CYBA: variants seen among roughly 807,000 people sequenced by gnomAD.
CYBA encodes cytochrome b-245 light chain.
A neutral mutation model predicts 20.8 loss-of-function variants in CYBA; 21 were observed. That is an observed-to-expected ratio of 1.01 (90% confidence interval 0.72 to 1.46). The LOEUF is 1.46. CYBA is among the 40% of genes most tolerant of loss of function. The pLI is 0.00. For synonymous variants in CYBA, 164 were observed against 127.5 expected (o/e 1.29, Z -1.93); for missense variants, 344 against 287.0 (o/e 1.20, Z -1.43).
chr16:88,643,404 G>A lies in CYBA; in HGVS notation c.537C>T (p.Pro179=), dbSNP rs1206595297. ...EEEAAVAAGG[P]PGGPQVNPIP... is the part of the protein sequence containing the mutation. ...TGGGGTTGACCTGGGGACCTCCCGG[G>A]GGTCCCCCCGCCGCCACCGCAGCCT... Residue 179 remains proline, a synonymous_variant, in exon 6 of 6, where the codon CCC becomes CCT. Transcript: ENST00000261623. The surrounding 1 kb of genome is among the most constrained non-coding windows in gnomAD (Gnocchi z 4.3). 25 of 1,534,618 alleles carry A rather than the reference G, an allele frequency of 1.6e-5. No individual in the cohort carries two copies. The highest frequency in any genetic ancestry group is 1.9e-5 in the Non-Finnish European group (22 of 1,143,528).
chr16:88,648,421 G>T (rs1281480255), intron 1 of CYBA, among the ~76,000 whole-genome samples: 1 of 152,136 alleles, frequency 6.6e-6, no homozygotes, highest in Non-Finnish European at 1.5e-5. Flanking sequence ...GGACCCCCTT[G>T]TCACCATGAG....
chr16:88,645,886 G>C (rs753893734), intron 5 of CYBA: 13 of 589,130 alleles, frequency 2.2e-5, no homozygotes, highest in Non-Finnish European at 2.7e-5. Flanking sequence ...GCTGTGGTGC[G>C]GGTTAATGAG....
rs1295658827 is a variant in CYBA at position 88,650,761 on chromosome 16, G to T, written c.58+195C>A. On this transcript the variant is annotated intron_variant, in intron 1 of 5. Coordinates refer to ENST00000261623, the MANE Select transcript of CYBA (RefSeq NM_000101.4). ...AGGGTCTGCAAGGGAATTACTGGGGGTCTCAGAACTCCTCCTTCCAGCCCG... is the reference window on the plus strand; with the variant it reads ...AGGGTCTGCAAGGGAATTACTGGGGTTCTCAGAACTCCTCCTTCCAGCCCG... 4.7e-6 allele frequency: 3 copies of T among 633,688 alleles called. No individual in the cohort carries two copies. In the Admixed American group the frequency reaches 7.7e-5, roughly 16 times the overall value. 39.3% of individuals were successfully genotyped at this position (633,688 alleles called of 1,614,324 possible). A position where few individuals can be genotyped will look rare whatever the true frequency, so the allele number is the denominator to read the frequency against.
intron 4 of CYBA, chr16:88,646,438 G>A (rs1445891213): frequency 2.1e-6 from 1 of 469,948 alleles, no homozygotes; most frequent in Admixed American, 2.7e-5. Flanking sequence ...GCCTCAGCCG[G>A]CAGTAACCAG....
At chr16:88,645,424 T>A in intron 5 of CYBA, 1 of 702,292 alleles carries the variant, frequency 1.4e-6, no homozygotes, top group Non-Finnish European at 2.6e-6. Flanking sequence ...CAGGAGGGAC[T>A]TGGCTCTATG....
chr16:88,649,542 G>T (rs1907427609), intron 1 of CYBA, among the ~76,000 whole-genome samples: 1 of 152,252 alleles, frequency 6.6e-6, no homozygotes, highest in South Asian at 2.1e-4. Context: ...TCAAGGCCCT[G>T]CTGTCTCCGG....
chr16:88,647,133 C>A lies in CYBA; in HGVS notation c.171G>T (p.Gly57=). Residue 57 remains glycine, a synonymous_variant, in exon 3 of 6, where the codon GGG becomes GGT. Coordinates refer to ENST00000261623, the MANE Select transcript of CYBA (RefSeq NM_000101.4). The part of the protein sequence containing the change: ...VFVCLLEYPR[G]KRKKGSTMER... ...CCATGGTGGAGCCCTTCTTCCTCTT[C>A]CCCCGGGGGTACTCCAGCAGGCACA... The A allele has an allele frequency of 2.5e-6, 4 of 1,611,358 alleles. No homozygotes were observed. Among genetic ancestry groups the A allele is most frequent in the Non-Finnish European group, 3.4e-6 (4 of 1,179,746 alleles).
intron 5 of CYBA, 91 bp downstream of exon 5, chr16:88,646,025 G>T: frequency 9.1e-7 from 1 of 1,098,666 alleles, no homozygotes; most frequent in Non-Finnish European, 1.3e-6. Context: ...AGCCTACAGA[G>T]CCGGCTTCAA....
intron 1 of CYBA, among the ~76,000 whole-genome samples, chr16:88,650,071 C>T (rs1255395348): frequency 1.3e-5 from 2 of 152,176 alleles, no homozygotes; most frequent in Non-Finnish European, 1.5e-5. Context: ...ACTCCAGCTG[C>T]CACGCACCCT....
At chr16:88,645,146 C>G (rs1907229436) in intron 5 of CYBA, 2 of 700,896 alleles carry the variant, frequency 2.9e-6, no homozygotes, top group Non-Finnish European at 5.2e-6. Flanking sequence ...AGGAATTCCT[C>G]CCGAGGTCTC....
intron 5 of CYBA, chr16:88,645,571 C>T (rs1907247352): frequency 1.3e-5 from 8 of 626,224 alleles, no homozygotes; most frequent in Middle Eastern, 3.8e-4. Flanking sequence ...GGCCAGGCTG[C>T]GCCCTGTCCT....
At chr16:88,649,571 C>A (rs932671722) in intron 1 of CYBA, among the ~76,000 whole-genome samples, 16 of 152,246 alleles carry the variant, frequency 1.1e-4, no homozygotes, top group African/African-American at 3.1e-4. Flanking sequence ...CCTCCTGGGG[C>A]TGCACGGTCT....
In CYBA at chr16:88,643,446, C is replaced by T. The variant is rs1021677280; in HGVS notation, c.495G>A (p.Lys165=). ...CCGCAGCCTCCTCCTCGCTGGGCTT[C>T]TTGCGGGCCTCGGCCGGGGGCCGCG... The part of the protein sequence containing the change: ...PPPRPPAEAR[K]KPSEEEAAVA... The change falls in exon 6 of 6, where the codon AAG becomes AAA. Residue 165 remains lysine (K), a synonymous_variant. Coordinates refer to ENST00000261623, the MANE Select transcript of CYBA (RefSeq NM_000101.4). The surrounding 1 kb of genome is among the most constrained non-coding windows in gnomAD (Gnocchi z 4.3). The T allele has an allele frequency of 4.0e-5, 62 of 1,534,312 alleles. No individual in the cohort carries two copies. The highest frequency in any genetic ancestry group is 5.3e-5 in the Non-Finnish European group (61 of 1,144,040).
Position 88,643,412 on chromosome 16 carries a change from C to A in CYBA, c.529G>T (p.Gly177Trp), listed in dbSNP as rs774771301. 6.5e-7 allele frequency: 1 copy of A among 1,534,116 alleles called. No individual in the cohort carries two copies. Among genetic ancestry groups the A allele is most frequent in the Non-Finnish European group, 8.7e-7 (1 of 1,143,346 alleles). The change falls in exon 6 of 6, where the codon GGG (glycine) becomes TGG (tryptophan). Residue 177 changes from glycine (G) to tryptophan (W), a missense_variant. Physicochemically the swap from Gly to Trp is radical, Grantham distance 184 (BLOSUM62 -2). Transcript: ENST00000261623. This position sits in a 1 kb window ranked among gnomAD's most constrained non-coding sequence, Gnocchi z 4.3. ...PSEEEAAVAA[G>W]GPPGGPQVNP... ...ACCTGGGGACCTCCCGGGGGTCCCCCCGCCGCCACCGCAGCCTCCTCCTCG... is the reference window on the plus strand; with the variant it reads ...ACCTGGGGACCTCCCGGGGGTCCCCACGCCGCCACCGCAGCCTCCTCCTCG...
chr16:88,649,571 C>T (rs932671722), intron 1 of CYBA, among the ~76,000 whole-genome samples: 1 of 152,246 alleles, frequency 6.6e-6, no homozygotes, highest in Non-Finnish European at 1.5e-5. Flanking sequence ...CCTCCTGGGG[C>T]TGCACGGTCT....
At chr16:88,648,231 C>T (rs1907360552) in intron 1 of CYBA, 117 bp from the exon 2 acceptor site, 1 of 920,656 alleles carries the variant, frequency 1.1e-6, no homozygotes, top group Admixed American at 2.0e-5. Context: ...TACCCATCCC[C>T]ACAGCACAGT....
At chr16:88,650,607 C>G (rs890019237) in intron 1 of CYBA, 1 of 515,894 alleles carries the variant, frequency 1.9e-6, no homozygotes, top group Non-Finnish European at 3.7e-6. Context: ...AGCCCCCACT[C>G]GGGGGCTTCG....
intron 3 of CYBA, 91 bp from the exon 4 acceptor site, chr16:88,646,929 G>C: frequency 8.0e-7 from 1 of 1,250,278 alleles, no homozygotes; most frequent in Non-Finnish European, 1.2e-6. Flanking sequence ...GGGCACCCAG[G>C]CCTCTTTCCT....
chr16:88,649,796 C>T (rs571825890), intron 1 of CYBA, among the ~76,000 whole-genome samples: 87 of 152,318 alleles, frequency 5.7e-4, no homozygotes, highest in Admixed American at 1.1e-3. Context: ...CTCTTCGGGC[C>T]AGGAGCCCCT....
Sources: allele counts gnomAD v4.1 joint callset (sites outside exome capture counted in the v4.1 genomes callset), GRCh38; gene constraint gnomAD v4.1.1; non-coding constraint Gnocchi (gnomAD v3.1); transcripts MANE v1.5; gene names NCBI Gene and HGNC (gene_info 2026-07-23, HGNC 2026-07-21).